Variants in RPS6KA3 observed in about 807,000 individuals in gnomAD.
RPS6KA3 encodes ribosomal protein S6 kinase alpha-3.
RPS6KA3 carries 4 observed loss-of-function variants against 67.2 expected under a neutral mutation model. The observed-to-expected ratio is 0.06, with a 90% CI of 0.03 to 0.14. RPS6KA3 has a LOEUF of 0.14. RPS6KA3 is among the 10% of genes least tolerant of loss of function. The pLI, the probability that RPS6KA3 is intolerant of heterozygous loss-of-function variation, is 1.00. For missense variants in RPS6KA3, 204 were observed against 559.0 expected (o/e 0.36, Z 6.40); for synonymous variants, 182 against 183.7 (o/e 0.99, Z 0.07).
rs182963918 is a variant in RPS6KA3, at chrX:20,224,070, C to A, written c.126+10688G>T. Among the ~76,000 whole-genome samples the A allele has an allele frequency of 5.4e-3, 598 of 111,526 alleles. 3 individuals carry two copies. The highest frequency in any genetic ancestry group is 9.3e-3 in the Non-Finnish European group (496 of 53,103). The stretch of plus-strand genomic sequence containing the variant: ...GGCACTGTGCTTTACATGAAATTAT[C>A]TCAGCTGATTCTCACCAATGAGGTA... On this transcript the variant is annotated intron_variant, in intron 2 of 21. Transcript: ENST00000379565.
At chrX:20,160,005 C>G (rs745407402) in intron 20 of RPS6KA3, among the ~76,000 whole-genome samples, 11 of 111,956 alleles carry the variant, frequency 9.8e-5, no homozygotes, top group Admixed American at 2.8e-4. Context: ...TGGAGGCATT[C>G]TGCTATTCTC....
At chrX:20,250,565 ACTTAGCTAAATTTTTCT>A (rs2069836578) in intron 1 of RPS6KA3, among the ~76,000 whole-genome samples, 1 of 111,569 alleles carries the variant, frequency 9.0e-6, no homozygotes, top group African/African-American at 3.3e-5. Context: ...TGAATGTTTA[ACTTAGCTAAATTTTTCT>A]CTTTCCCATA....
rs1418271223 is a variant in RPS6KA3 at position 20,153,331 on chromosome X, C to T, written c.*2067G>A. On this transcript the variant is annotated 3_prime_UTR_variant, in exon 22 of 22. Coordinates refer to ENST00000379565, the MANE Select transcript of RPS6KA3 (RefSeq NM_004586.3). ...TCTATCTAGACATTCTGATATCCCT[C>T]CTATATATTATTTCATTTAGAAGCT... is the stretch of plus-strand genomic sequence containing the variant. 1 of 111,651 alleles carries T rather than the reference C, an allele frequency of 9.0e-6. No homozygotes were observed. The highest frequency in any genetic ancestry group is 9.5e-5 in the Admixed American group (1 of 10,496). 9.2% of individuals were successfully genotyped at this position (111,651 alleles called of 1,213,427 possible). A position where few individuals can be genotyped will look rare whatever the true frequency, so the allele number is the denominator to read the frequency against.
intron 1 of RPS6KA3, among the ~76,000 whole-genome samples, chrX:20,252,785 C>T: frequency 9.0e-6 from 1 of 111,316 alleles, no homozygotes. Flanking sequence ...AGCAGAATGC[C>T]AACTAGCCCT....
At chrX:20,203,294 C>T (rs2068489551) in intron 4 of RPS6KA3, 2 of 102,019 alleles carry the variant, frequency 2.0e-5, no homozygotes, top group Non-Finnish European at 3.9e-5. Flanking sequence ...CGGAGTTTCA[C>T]TCTTGTTGCC....
In RPS6KA3 at chrX:20,189,038, T is replaced by C. The variant is rs189009081; in HGVS notation, c.594-504A>G. ...ATCTTCTTGCTTCTGCCTCCCTGAG[T>C]GCTGGGATTACTCCCTAAGGTGTGA... On this transcript the variant is annotated intron_variant, in intron 7 of 21. Coordinates refer to ENST00000379565, the MANE Select transcript of RPS6KA3 (RefSeq NM_004586.3). Among the ~76,000 whole-genome samples, 739 of 112,475 alleles carry C rather than the reference T, an allele frequency of 6.6e-3. 7 individuals are homozygous for C. Among genetic ancestry groups the C allele is most frequent in the African/African-American group, 0.023 (704 of 31,000 alleles).
At chrX:20,201,976 CTTTTTTTT>C (rs1282039865) in intron 4 of RPS6KA3, among the ~76,000 whole-genome samples, 2 of 82,730 alleles carry the variant, frequency 2.4e-5, no homozygotes, top group African/African-American at 4.2e-5. Flanking sequence ...TTTCTTTTTT[CTTTTTTTT>C]TTTTTTTTTT....
At chrX:20,223,974 G>A (rs2069048800) in intron 2 of RPS6KA3, among the ~76,000 whole-genome samples, 1 of 110,929 alleles carries the variant, frequency 9.0e-6, no homozygotes, top group Non-Finnish European at 1.9e-5. Context: ...TAGTTGCTTT[G>A]AGTTCTCTTA....
At chrX:20,212,512 C>G (rs1245347218) in intron 2 of RPS6KA3, among the ~76,000 whole-genome samples, 2 of 110,670 alleles carry the variant, frequency 1.8e-5, no homozygotes, top group Non-Finnish European at 3.8e-5. Context: ...AAAACAACAA[C>G]AACAACAACA....
At chrX:20,180,626 A>T (rs917270907) in intron 10 of RPS6KA3, among the ~76,000 whole-genome samples, 1 of 111,557 alleles carries the variant, frequency 9.0e-6, no homozygotes, top group Non-Finnish European at 1.9e-5. Flanking sequence ...ATGCCCACTG[A>T]TCAACAACAG....
rs1445976207 is a variant in RPS6KA3, at chrX:20,266,476, G to A, written c.69+88C>T. 1.0e-5 allele frequency: 8 copies of A among 774,960 alleles called. No individual in the cohort carries two copies. The South Asian group carries it at 1.8e-4, about 17-fold the overall frequency. 63.9% of individuals were successfully genotyped at this position (774,960 alleles called of 1,213,427 possible). A position where few individuals can be genotyped will look rare whatever the true frequency, so the allele number is the denominator to read the frequency against. ...GAAAGACGCGAGCGGGATCAGAACG[G>A]GCCGAGTGGCCAGCTCCGGGGAGCG... On this transcript the variant is annotated intron_variant, in intron 1 of 21. Transcript: ENST00000379565.
At chrX:20,163,388 C>T (rs1235339665) in intron 18 of RPS6KA3, among the ~76,000 whole-genome samples, 3 of 110,673 alleles carry the variant, frequency 2.7e-5, no homozygotes, top group Admixed American at 9.7e-5. Context: ...CACACGCACA[C>T]AAAGAACACA....
intron 1 of RPS6KA3, among the ~76,000 whole-genome samples, chrX:20,265,159 C>A (rs2070339238): frequency 1.8e-5 from 2 of 111,486 alleles, no homozygotes; most frequent in African/African-American, 6.5e-5. Context: ...TGATCCAAGT[C>A]GCAAAATACT....
chrX:20,193,203 G>T (rs1303278535), intron 7 of RPS6KA3, among the ~76,000 whole-genome samples: 1 of 111,483 alleles, frequency 9.0e-6, no homozygotes, highest in East Asian at 2.8e-4. Context: ...GCTTGAATCT[G>T]GGAGGTGGAG....
At chrX:20,230,622 C>T (rs1291689194) in intron 2 of RPS6KA3, among the ~76,000 whole-genome samples, 2 of 111,153 alleles carry the variant, frequency 1.8e-5, no homozygotes, top group East Asian at 5.6e-4. Context: ...TATGCAAAAC[C>T]TTATTATGCA....
At chrX:20,187,388 G>T (rs1352870606) in intron 9 of RPS6KA3, among the ~76,000 whole-genome samples, 1 of 110,091 alleles carries the variant, frequency 9.1e-6, no homozygotes, top group Non-Finnish European at 1.9e-5. Context: ...ATTTTTAGTG[G>T]AGATGGGGTT....
At chrX:20,177,920 T>G (rs1260440873) in intron 10 of RPS6KA3, among the ~76,000 whole-genome samples, 3 of 112,497 alleles carry the variant, frequency 2.7e-5, no homozygotes, top group Non-Finnish European at 3.8e-5. Flanking sequence ...TAGATGAACT[T>G]GAAGGTCTGT....
At chrX:20,256,494 A>C (rs759234640) in intron 1 of RPS6KA3, among the ~76,000 whole-genome samples, 1 of 111,837 alleles carries the variant, frequency 8.9e-6, no homozygotes, top group East Asian at 2.8e-4. Context: ...GCTGTTAAGT[A>C]ATGTCTAGGC....
upstream of RPS6KA3, chrX:20,266,976 A>C (rs1355165330): frequency 3.0e-5 from 22 of 742,213 alleles, no homozygotes; most frequent in Non-Finnish European, 3.2e-5. Context: ...GCCCGCTCCC[A>C]GCAGAACAGC....
Sources: allele counts gnomAD v4.1 joint callset (sites outside exome capture counted in the v4.1 genomes callset), GRCh38; gene constraint gnomAD v4.1.1; transcripts MANE v1.5; gene names NCBI Gene and HGNC (gene_info 2026-07-23, HGNC 2026-07-21).